The following CD79A variants were observed in gnomAD, a reference collection of about 807,000 sequenced individuals.
The protein encoded by CD79A is CD79a molecule.
CD79A carries 16 observed loss-of-function variants against 27.4 expected under a neutral mutation model. The observed-to-expected ratio is 0.58, with a 90% confidence interval of 0.40 to 0.89. CD79A has a LOEUF of 0.89. Among genes scored for constraint, CD79A ranks in the 40% least tolerant of loss-of-function variants. The pLI, the probability that CD79A is intolerant of heterozygous loss-of-function variation, is 0.00. For missense variants in CD79A, 237 were observed against 299.7 expected (o/e 0.79, Z 1.55); for synonymous variants, 110 against 132.7 (o/e 0.83, Z 1.18).
Position 41,880,661 on chromosome 19 carries a change from C to T in CD79A, c.499-9C>T, listed in dbSNP as rs1482479682. 2.0e-6 allele frequency: 3 copies of T among 1,517,160 alleles called. No individual in the cohort carries two copies. The highest frequency in any genetic ancestry group is 2.4e-5 in the South Asian group (2 of 83,292). The allele number at this position is 1,517,160 out of a possible 1,614,324, so 94.0% of individuals were successfully genotyped here. A position where few individuals can be genotyped will look rare whatever the true frequency, so the allele number is the denominator to read the frequency against. ...CTCACTGAGGCACCCACCCCACCCA[C>T]CCCTACAGAAACGATGGCAGAACGA... On this transcript the variant is annotated splice_polypyrimidine_tract_variant and intron_variant, in intron 3 of 4. Coordinates refer to ENST00000221972, the MANE Select transcript of CD79A (RefSeq NM_001783.4).
chr19:41,880,896 T>G lies in CD79A; in HGVS notation c.597T>G (p.Tyr199Ter). 6.2e-7 allele frequency: 1 copy of G among 1,605,952 alleles called. No individual in the cohort carries two copies. The highest frequency in any genetic ancestry group is 8.5e-7 in the Non-Finnish European group (1 of 1,176,750). The part of the protein sequence containing the change: ...EGLNLDDCSM[Y>*]EDISRGLQGT... ...TGAACCTGGACGACTGCTCCATGTA[T>G]GAGGACATCTCCCGGGGCCTCCAGG... The change falls in exon 5 of 5, where the codon TAT (tyrosine) becomes TAG (stop). Residue 199 changes from tyrosine to a stop codon, truncating the protein, a stop_gained. Transcript: ENST00000221972. LOFTEE classifies it high-confidence loss of function.
At position 41,879,620 on chromosome 19, in the gene CD79A, C is replaced by T. The variant is rs537675914; in HGVS notation, c.465C>T (p.Cys155=). 2.6e-5 allele frequency: 42 copies of T among 1,611,294 alleles called. No individual in the cohort carries two copies. In the South Asian group the frequency reaches 3.3e-4, roughly 13 times the overall value. Reference sequence around the variant, plus strand: ...CCGAGGGGATCATCCTCCTGTTCTGCGCGGTGGTGCCTGGGACGCTGCTGC... The same window carrying T: ...CCGAGGGGATCATCCTCCTGTTCTGTGCGGTGGTGCCTGGGACGCTGCTGC... ...ITAEGIILLF[C]AVVPGTLLLF... is the part of the protein sequence containing the mutation. Residue 155 remains cysteine (C), a synonymous_variant, in exon 3 of 5, where the codon TGC becomes TGT. Transcript: ENST00000221972. The surrounding 1 kb of genome is among the most constrained non-coding windows in gnomAD (Gnocchi z 5.1).
Position 41,881,041 on chromosome 19 carries a change from C to G in CD79A, c.*61C>G. Reference sequence around the variant, plus strand: ...TGCACCCAGCTCCAGTGTCTCAGCTCACTTCCCTGGGACATTCTCCTTTCA... The same window carrying G: ...TGCACCCAGCTCCAGTGTCTCAGCTGACTTCCCTGGGACATTCTCCTTTCA... On this transcript the variant is annotated 3_prime_UTR_variant, in exon 5 of 5. Coordinates refer to ENST00000221972, the MANE Select transcript of CD79A (RefSeq NM_001783.4). 1 of 981,014 alleles carries G rather than the reference C, an allele frequency of 1.0e-6. No individual in the cohort carries two copies. Among genetic ancestry groups the G allele is most frequent in the Non-Finnish European group, 1.6e-6 (1 of 637,454 alleles). The allele number at this position is 981,014 out of a possible 1,614,324, so 60.8% of individuals were successfully genotyped here. A position where few individuals can be genotyped will look rare whatever the true frequency, so the allele number is the denominator to read the frequency against.
At chr19:41,880,454 A>AAGGG (rs1406590135) in intron 3 of CD79A, among the ~76,000 whole-genome samples, 3 of 70,254 alleles carry the variant, frequency 4.3e-5, no homozygotes, top group Admixed American at 3.6e-4. Flanking sequence ...AAGGGAAGGG[A>AAGGG]AGGAAGGAAG....
At position 41,881,109 on chromosome 19, in the gene CD79A, G is replaced by T. The variant is rs924494364; in HGVS notation, c.*129G>T. The T allele has an allele frequency of 7.3e-5, 53 of 724,206 alleles. No individual in the cohort carries two copies. In the African/African-American group the frequency reaches 7.8e-4, roughly 11 times the overall value. The allele number at this position is 724,206 out of a possible 1,614,324, so 44.9% of individuals were successfully genotyped here. On this transcript the variant is annotated 3_prime_UTR_variant, in exon 5 of 5. Coordinates refer to ENST00000221972, the MANE Select transcript of CD79A (RefSeq NM_001783.4). ...CTTAGTCATATTCCCCCAGTGGGGGGTGGGAGGGTAACCTCACTCTTCTCC... is the reference window on the plus strand; with the variant it reads ...CTTAGTCATATTCCCCCAGTGGGGGTTGGGAGGGTAACCTCACTCTTCTCC...
chr19:41,880,391 A>AAGAGAGAG (rs370824087), intron 3 of CD79A, among the ~76,000 whole-genome samples: 3 of 121,540 alleles, frequency 2.5e-5, no homozygotes, highest in African/African-American at 6.3e-5. Context: ...GAGAGAGAGA[A>AAGAGAGAG]AGAGAGAGAG....
rs782232012 is a variant in CD79A at position 41,879,394 on chromosome 19, C to T, written c.379+105C>T. On this transcript the variant is annotated intron_variant, in intron 2 of 4. Transcript: ENST00000221972. The surrounding 1 kb of genome is among the most constrained non-coding windows in gnomAD (Gnocchi z 5.1). ...AGTACCTTCAATGTGGGTTTCAAAC[C>T]GGCTTGGACAGAGGGACGGACATTC... The T allele has an allele frequency of 1.8e-5, 23 of 1,301,398 alleles. No individual in the cohort carries two copies. Among genetic ancestry groups the T allele is most frequent in the African/African-American group, 1.0e-4 (7 of 68,552 alleles). The allele number at this position is 1,301,398 out of a possible 1,614,324, so 80.6% of individuals were successfully genotyped here.
At position 41,878,983 on chromosome 19, in the gene CD79A, TC is replaced by T; in HGVS notation, c.80-5del. 1 of 839,510 alleles carries T rather than the reference TC, an allele frequency of 1.2e-6. No individual in the cohort carries two copies. The highest frequency in any genetic ancestry group is 1.9e-6 in the Non-Finnish European group (1 of 539,130). The allele number at this position is 839,510 out of a possible 1,614,324, so 52.0% of individuals were successfully genotyped here. ...GTCCCTGACCCACCCACCCTGTCTCTCCACAGGCCCTGGGTGCCAGGCCCTG... is the reference window on the plus strand; with the variant it reads ...GTCCCTGACCCACCCACCCTGTCTCTCACAGGCCCTGGGTGCCAGGCCCTG... On this transcript the variant is annotated splice_polypyrimidine_tract_variant and splice_region_variant and intron_variant, in intron 1 of 4. Coordinates refer to ENST00000221972, the MANE Select transcript of CD79A (RefSeq NM_001783.4). The surrounding 1 kb of genome is among the most constrained non-coding windows in gnomAD (Gnocchi z 4.3).
chr19:41,879,862 G>T lies in CD79A; in HGVS notation c.498+209G>T, dbSNP rs2074211504. ...GAGCCCAGGGGGTGTCTTCAATTTA[G>T]TTTCCCCTTCTGGGCTGTCCTCACG... On this transcript the variant is annotated intron_variant, in intron 3 of 4. Coordinates refer to ENST00000221972, the MANE Select transcript of CD79A (RefSeq NM_001783.4). The surrounding 1 kb of genome is among the most constrained non-coding windows in gnomAD (Gnocchi z 5.1). Among the ~76,000 whole-genome samples, 1 of 152,136 alleles carries T rather than the reference G, an allele frequency of 6.6e-6. No individual in the cohort carries two copies. The highest frequency in any genetic ancestry group is 2.1e-4 in the South Asian group (1 of 4,832).
intron 4 of CD79A, 48 bp downstream of exon 4, chr19:41,880,786 G>C: frequency 6.6e-7 from 1 of 1,505,876 alleles, no homozygotes; most frequent in Non-Finnish European, 9.1e-7. Flanking sequence ...TTAGGGGTGG[G>C]GGTGTTCCCT....
chr19:41,880,370 GAAGAAAGAGAGAGAGAGAGA>G lies in CD79A; in HGVS notation c.499-295_499-276del, dbSNP rs1229493799. On this transcript the variant is annotated intron_variant, in intron 3 of 4. Transcript: ENST00000221972. ...CACTTCAGCCTGGGCAACTGAGGGA[GAAGAAAGAGAGAGAGAGAGA>G]AAGAGAGAGAGAGAGAGAGAGAGAG... 2.0e-5 allele frequency among the ~76,000 whole-genome samples: 3 copies of G among 146,560 alleles called. No individual in the cohort carries two copies. In the East Asian group the frequency reaches 6.4e-4, roughly 31 times the overall value.
Position 41,877,576 on chromosome 19 carries a change from A to T in CD79A, c.79+193A>T, listed in dbSNP as rs2074196345. Among the ~76,000 whole-genome samples, 1 of 152,108 alleles carries T rather than the reference A, an allele frequency of 6.6e-6. No individual in the cohort carries two copies. The highest frequency in any genetic ancestry group is 2.4e-5 in the African/African-American group (1 of 41,414). The stretch of plus-strand genomic sequence containing the variant: ...AGGTGGGGCTGGAGGGAGCCCAGCG[A>T]AGGAGAAGGGGCGTCCACAGTCTCA... On this transcript the variant is annotated intron_variant, in intron 1 of 4. Transcript: ENST00000221972. The surrounding 1 kb of genome is among the most constrained non-coding windows in gnomAD (Gnocchi z 4.1).
chr19:41,879,441 T>C lies in CD79A; in HGVS notation c.380-94T>C. The C allele has an allele frequency of 8.3e-7, 1 of 1,197,830 alleles. No individual in the cohort carries two copies. Among genetic ancestry groups the C allele is most frequent in the Non-Finnish European group, 1.2e-6 (1 of 835,844 alleles). 74.2% of individuals were successfully genotyped at this position (1,197,830 alleles called of 1,614,324 possible). On this transcript the variant is annotated intron_variant, in intron 2 of 4. Transcript: ENST00000221972. The surrounding 1 kb of genome is among the most constrained non-coding windows in gnomAD (Gnocchi z 5.1). ...ATTCTCCTCTGCAGAGTGGGGTCTCTGGGGGGTCTGGGGCCTTGCAGGAGG... is the reference window on the plus strand; with the variant it reads ...ATTCTCCTCTGCAGAGTGGGGTCTCCGGGGGGTCTGGGGCCTTGCAGGAGG...
rs2074210840 is a variant in CD79A, at chr19:41,879,725, C to T, written c.498+72C>T. 2 of 980,680 alleles carry T rather than the reference C, an allele frequency of 2.0e-6. No homozygotes were observed. The highest frequency in any genetic ancestry group is 1.6e-5 in the African/African-American group (1 of 62,860). 60.7% of individuals were successfully genotyped at this position (980,680 alleles called of 1,614,324 possible). A position where few individuals can be genotyped will look rare whatever the true frequency, so the allele number is the denominator to read the frequency against. Reference sequence around the variant, plus strand: ...GAGGGACCCCCAATACCCAGGTAGCCCTCTAGAGCCTGAGGTTCCCCATCC... The same window carrying T: ...GAGGGACCCCCAATACCCAGGTAGCTCTCTAGAGCCTGAGGTTCCCCATCC... On this transcript the variant is annotated intron_variant, in intron 3 of 4. Transcript: ENST00000221972. The surrounding 1 kb of genome is among the most constrained non-coding windows in gnomAD (Gnocchi z 5.1).
At position 41,878,921 on chromosome 19, in the gene CD79A, C is replaced by CAGGGGCCAGGAGGCTAGGGAGGGCAAG; in HGVS notation, c.80-59_80-58insAGGCTAGGGAGGGCAAGAGGGGCCAGG. On this transcript the variant is annotated intron_variant, in intron 1 of 4. Transcript: ENST00000221972. This position sits in a 1 kb window ranked among gnomAD's most constrained non-coding sequence, Gnocchi z 4.3. ...CCTCTTCCCAGGAGTGCTGGAACTG[C>CAGGGGCCAGGAGGCTAGGGAGGGCAAG]AGGGGCCAGGGCTGGGGAAATGTGT... 7.6e-7 allele frequency: 1 copy of CAGGGGCCAGGAGGCTAGGGAGGGCAAG among 1,320,296 alleles called. No homozygotes were observed. Among genetic ancestry groups the CAGGGGCCAGGAGGCTAGGGAGGGCAAG allele is most frequent in the Non-Finnish European group, 1.1e-6 (1 of 938,378 alleles). 81.8% of individuals were successfully genotyped at this position (1,320,296 alleles called of 1,614,324 possible).
At position 41,880,991 on chromosome 19, in the gene CD79A, C is replaced by A; in HGVS notation, c.*11C>A. 1 of 1,502,798 alleles carries A rather than the reference C, an allele frequency of 6.7e-7. No homozygotes were observed. Among genetic ancestry groups the A allele is most frequent in the East Asian group, 2.4e-5 (1 of 42,212 alleles). 93.1% of individuals were successfully genotyped at this position (1,502,798 alleles called of 1,614,324 possible). A position where few individuals can be genotyped will look rare whatever the true frequency, so the allele number is the denominator to read the frequency against. On this transcript the variant is annotated 3_prime_UTR_variant, in exon 5 of 5. Coordinates refer to ENST00000221972, the MANE Select transcript of CD79A (RefSeq NM_001783.4). ...CTGGAGAAGCCGTGACACCCCTACTCCTGCCAGGCTGCCCCCGCCTGCTGT... is the reference window on the plus strand; with the variant it reads ...CTGGAGAAGCCGTGACACCCCTACTACTGCCAGGCTGCCCCCGCCTGCTGT...
intron 3 of CD79A, 23 bp from the exon 4 acceptor site, chr19:41,880,647 A>AGCCC: frequency 9.3e-6 from 5 of 535,722 alleles, no homozygotes; most frequent in East Asian, 1.0e-4. Context: ...TCACTGAGGC[A>AGCCC]CCCACCCCAC....
Position 41,878,985 on chromosome 19 carries a change from C to T in CD79A, c.80-5C>T. The T allele has an allele frequency of 6.3e-7, 1 of 1,599,026 alleles. No individual in the cohort carries two copies. ...CCCTGACCCACCCACCCTGTCTCTC[C>T]ACAGGCCCTGGGTGCCAGGCCCTGT... On this transcript the variant is annotated splice_region_variant and splice_polypyrimidine_tract_variant and intron_variant, in intron 1 of 4. Coordinates refer to ENST00000221972, the MANE Select transcript of CD79A (RefSeq NM_001783.4). This position sits in a 1 kb window ranked among gnomAD's most constrained non-coding sequence, Gnocchi z 4.3.
chr19:41,877,493 A>T lies in CD79A; in HGVS notation c.79+110A>T. ...TCAGGGAAAGGGGAAGAGGAGGCAG[A>T]GGATAGGGGACCCAGGGAAGATGCC... On this transcript the variant is annotated intron_variant, in intron 1 of 4. Coordinates refer to ENST00000221972, the MANE Select transcript of CD79A (RefSeq NM_001783.4). The surrounding 1 kb of genome is among the most constrained non-coding windows in gnomAD (Gnocchi z 4.1). 2 of 887,260 alleles carry T rather than the reference A, an allele frequency of 2.3e-6. No individual in the cohort carries two copies. Among genetic ancestry groups the T allele is most frequent in the Non-Finnish European group, 3.7e-6 (2 of 534,756 alleles). 55.0% of individuals were successfully genotyped at this position (887,260 alleles called of 1,614,324 possible).
Sources: gnomAD v4.1 joint callset for allele counts (sites outside exome capture counted in the v4.1 genomes callset) on GRCh38, gnomAD v4.1.1 for gene constraint, Gnocchi (gnomAD v3.1) non-coding constraint, MANE v1.5 for transcripts, NCBI Gene and HGNC (gene_info 2026-07-23, HGNC 2026-07-21) for gene names.